GRXCR1: variants seen among roughly 807,000 people sequenced by gnomAD.
GRXCR1 encodes glutaredoxin and cysteine rich domain containing 1, also known as glutaredoxin domain-containing cysteine-rich protein 1.
GRXCR1 carries 27 observed loss-of-function variants against 27.3 expected under a neutral mutation model. That is an observed-to-expected ratio of 0.99 (90% confidence interval 0.73 to 1.37). The LOEUF is 1.37. Ranked by LOEUF, GRXCR1 falls within the 40% of genes most tolerant of loss-of-function variation. The pLI, the probability that GRXCR1 is intolerant of heterozygous loss-of-function variation, is 0.00. For synonymous variants in GRXCR1, 122 were observed against 131.1 expected, an observed-to-expected ratio of 0.93 and a Z score of 0.47; for missense variants, 379 against 354.4, an observed-to-expected ratio of 1.07 and a Z score of -0.56.
chr4:43,006,863 T>G (rs1183337808), intron 2 of GRXCR1, among the ~76,000 whole-genome samples: 2 of 152,212 alleles, frequency 1.3e-5, no homozygotes, highest in Non-Finnish European at 2.9e-5. Flanking sequence ...TGACATGTGA[T>G]GTCTCCCCCG....
chr4:43,006,703 C>A (rs1003736736), intron 2 of GRXCR1, among the ~76,000 whole-genome samples: 6 of 152,178 alleles, frequency 3.9e-5, no homozygotes, highest in Admixed American at 1.3e-4. Flanking sequence ...TGTGATCTCG[C>A]CCTGCCTCCA....
chr4:42,974,181 T>C (rs1261417853), intron 2 of GRXCR1, among the ~76,000 whole-genome samples: 4 of 151,990 alleles, frequency 2.6e-5, no homozygotes, highest in Non-Finnish European at 5.9e-5. Context: ...GGCTGGGGTT[T>C]TTAAGTGGAT....
intron 2 of GRXCR1, among the ~76,000 whole-genome samples, chr4:42,990,656 T>C (rs1191632195): frequency 1.3e-5 from 2 of 152,120 alleles, no homozygotes; most frequent in Non-Finnish European, 2.9e-5. Context: ...AACTAAATGT[T>C]TTTGTTTTAT....
At chr4:43,005,752 C>A (rs1486010060) in intron 2 of GRXCR1, among the ~76,000 whole-genome samples, 1 of 152,156 alleles carries the variant, frequency 6.6e-6, no homozygotes, top group Non-Finnish European at 1.5e-5. Flanking sequence ...GCATCTGTTT[C>A]TTGGTGTTCA....
rs1713055726 is a variant in GRXCR1 at position 43,020,375 on chromosome 4, A to G, written c.649A>G (p.Met217Val). The G allele has an allele frequency of 6.2e-7, 1 of 1,612,206 alleles. No homozygotes were observed. Among genetic ancestry groups the G allele is most frequent in the Non-Finnish European group, 8.5e-7 (1 of 1,178,334 alleles). Residue 217 changes from methionine to valine, a missense_variant, in exon 3 of 4, where the codon ATG (methionine) becomes GTG (valine). By Grantham distance (21) the Met-to-Val change is conservative. Coordinates refer to ENST00000399770, the MANE Select transcript of GRXCR1 (RefSeq NM_001080476.3). ...ATAGGGTGCTGAGAAAATTTTGTCAATGAATGAATCAGGAGAACTGCAAGA... is the reference window on the plus strand; with the variant it reads ...ATAGGGTGCTGAGAAAATTTTGTCAGTGAATGAATCAGGAGAACTGCAAGA... ...YLGGAEKILSMNESGELQDIL... is the reference protein window; with the variant it reads ...YLGGAEKILSVNESGELQDIL...
At chr4:42,971,637 A>T (rs1304225847) in intron 2 of GRXCR1, among the ~76,000 whole-genome samples, 1 of 152,084 alleles carries the variant, frequency 6.6e-6, no homozygotes, top group Non-Finnish European at 1.5e-5. Flanking sequence ...TGTCATGAGA[A>T]CAACAAGGGG....
chr4:42,939,946 A>C (rs949192531), intron 1 of GRXCR1, among the ~76,000 whole-genome samples: 4 of 151,776 alleles, frequency 2.6e-5, no homozygotes, highest in African/African-American at 9.7e-5. Context: ...TTGAGACAGA[A>C]GTATTAGAAG....
chr4:42,973,776 G>T lies in GRXCR1; in HGVS notation c.627+10642G>T, dbSNP rs76947019. 3.3e-5 allele frequency among the ~76,000 whole-genome samples: 5 copies of T among 152,206 alleles called. No individual in the cohort carries two copies. In the South Asian group the frequency reaches 6.2e-4, roughly 19 times the overall value. On this transcript the variant is annotated intron_variant, in intron 2 of 3. Coordinates refer to ENST00000399770, the MANE Select transcript of GRXCR1 (RefSeq NM_001080476.3). ...TCTTACTGGTTATATTTGATGGATA[G>T]GTTATTTGATCCCCTTTCAATGAAG...
rs531079766 is a variant in GRXCR1 at position 42,968,850 on chromosome 4, T to C, written c.627+5716T>C. On this transcript the variant is annotated intron_variant, in intron 2 of 3. Coordinates refer to ENST00000399770, the MANE Select transcript of GRXCR1 (RefSeq NM_001080476.3). ...GTTAACCTTTAGTAGCAAAGAAGGA[T>C]AGGAATATAATATTCTAGATGTCAC... Among the ~76,000 whole-genome samples the C allele has an allele frequency of 1.1e-4, 17 of 152,226 alleles. No individual in the cohort carries two copies. In the South Asian group the frequency reaches 3.5e-3, roughly 32 times the overall value.
At chr4:42,911,952 A>C (rs990001563) in intron 1 of GRXCR1, among the ~76,000 whole-genome samples, 1 of 152,164 alleles carries the variant, frequency 6.6e-6, no homozygotes, top group Non-Finnish European at 1.5e-5. Flanking sequence ...CAGAGGGTTT[A>C]TGTGGGAAAA....
chr4:42,910,398 C>G (rs1436912537), intron 1 of GRXCR1, among the ~76,000 whole-genome samples: 1 of 152,176 alleles, frequency 6.6e-6, no homozygotes, highest in Non-Finnish European at 1.5e-5. Flanking sequence ...ATCTACACCA[C>G]CCAGCAATAA....
At chr4:43,017,952 C>T (rs114928317) in intron 2 of GRXCR1, among the ~76,000 whole-genome samples, 346 of 152,234 alleles carry the variant, frequency 2.3e-3, no homozygotes, top group African/African-American at 7.9e-3. Context: ...AGATTTACCC[C>T]GATAAATGCT....
At chr4:42,981,003 A>G (rs557567962) in intron 2 of GRXCR1, among the ~76,000 whole-genome samples, 14 of 149,810 alleles carry the variant, frequency 9.3e-5, no homozygotes, top group Non-Finnish European at 1.9e-4. Flanking sequence ...TTTTTATTGG[A>G]GAATTGAATC....
intron 2 of GRXCR1, among the ~76,000 whole-genome samples, chr4:42,968,711 G>A (rs1748307880): frequency 6.6e-6 from 1 of 151,542 alleles, no homozygotes; most frequent in Non-Finnish European, 1.5e-5. Flanking sequence ...TTCAGAAATG[G>A]AATAAAAAAG....
At chr4:42,914,476 T>C (rs545113054) in intron 1 of GRXCR1, among the ~76,000 whole-genome samples, 1 of 152,212 alleles carries the variant, frequency 6.6e-6, no homozygotes, top group African/African-American at 2.4e-5. Flanking sequence ...CCATTTGGAG[T>C]GGCTGTATTT....
chr4:42,989,154 G>A (rs1467181582), intron 2 of GRXCR1, among the ~76,000 whole-genome samples: 1 of 152,156 alleles, frequency 6.6e-6, no homozygotes, highest in Non-Finnish European at 1.5e-5. Context: ...ACTAGGACGG[G>A]TATAACAAAA....
chr4:43,028,589 A>C (rs751934329), intron 3 of GRXCR1, among the ~76,000 whole-genome samples: 65 of 152,254 alleles, frequency 4.3e-4, no homozygotes, highest in Non-Finnish European at 7.8e-4. Context: ...AGTGAATGAC[A>C]AGGATCTATC....
At chr4:42,898,732 A>T (rs1746402673) in intron 1 of GRXCR1, among the ~76,000 whole-genome samples, 1 of 152,090 alleles carries the variant, frequency 6.6e-6, no homozygotes, top group African/African-American at 2.4e-5. Context: ...ATTAATTATG[A>T]TCTGAGCTTC....
chr4:43,001,905 A>T (rs554008611), intron 2 of GRXCR1, among the ~76,000 whole-genome samples: 1 of 146,718 alleles, frequency 6.8e-6, no homozygotes, highest in East Asian at 2.0e-4. Flanking sequence ...TGTGAGCAAA[A>T]TAATCTATGT....
Sources: gnomAD v4.1 joint callset for allele counts (sites outside exome capture counted in the v4.1 genomes callset) on GRCh38, gnomAD v4.1.1 for gene constraint, MANE v1.5 for transcripts, NCBI Gene and HGNC (gene_info 2026-07-23, HGNC 2026-07-21) for gene names.